DLC1: variants seen among roughly 807,000 people sequenced by gnomAD.
DLC1 encodes DLC1 Rho GTPase activating protein, also known as rho GTPase-activating protein 7.
DLC1 carries 54 observed loss-of-function variants against 140.3 expected under a neutral mutation model. The observed-to-expected ratio is 0.38, with a 90% CI of 0.31 to 0.48. DLC1 has a LOEUF of 0.48. DLC1 is among the 20% of genes least tolerant of loss of function. The pLI is 0.96. For missense variants in DLC1, 2,536 were observed against 1,907.0 expected, an observed-to-expected ratio of 1.33 and a Z score of -6.14; for synonymous variants, 986 against 728.1, an observed-to-expected ratio of 1.35 and a Z score of -5.70.
intron 1 of DLC1, among the ~76,000 whole-genome samples, chr8:13,582,306 G>A (rs1247466995): frequency 7.9e-5 from 12 of 152,152 alleles, no homozygotes; most frequent in South Asian, 2.1e-4. Context: ...ATAGGTACAT[G>A]TGATGGTTAA....
chr8:13,175,070 C>T (rs1326849336), intron 5 of DLC1, among the ~76,000 whole-genome samples: 1 of 152,162 alleles, frequency 6.6e-6, no homozygotes, highest in Non-Finnish European at 1.5e-5. Context: ...GTCCATTCTT[C>T]TGCATACGGC....
intron 5 of DLC1, among the ~76,000 whole-genome samples, chr8:13,129,516 T>G (rs1821902260): frequency 6.6e-6 from 1 of 152,170 alleles, no homozygotes; most frequent in African/African-American, 2.4e-5. Context: ...ACTAAGAATT[T>G]CAGGAGCAGA....
chr8:13,233,885 TTTTA>T (rs1293541251), intron 5 of DLC1, among the ~76,000 whole-genome samples: 1 of 152,202 alleles, frequency 6.6e-6, no homozygotes, highest in Non-Finnish European at 1.5e-5. Context: ...GGGAGATGGA[TTTTA>T]TTTGTTTATC....
intron 2 of DLC1, among the ~76,000 whole-genome samples, chr8:13,439,943 G>A (rs1034583920): frequency 1.3e-5 from 2 of 151,988 alleles, no homozygotes; most frequent in Non-Finnish European, 2.9e-5. Context: ...TATCCTTAGA[G>A]CATCTTCCCA....
intron 4 of DLC1, among the ~76,000 whole-genome samples, chr8:13,308,171 GA>G (rs1383087252): frequency 6.6e-6 from 1 of 152,200 alleles, no homozygotes; most frequent in East Asian, 1.9e-4. Context: ...GATAATCAGT[GA>G]GTTGGGGTAT....
At chr8:13,453,913 A>T (rs571059552) in intron 2 of DLC1, among the ~76,000 whole-genome samples, 1 of 152,130 alleles carries the variant, frequency 6.6e-6, no homozygotes, top group Non-Finnish European at 1.5e-5. Flanking sequence ...TGCCTTCTTC[A>T]TGTCCACTCA....
In DLC1 at chr8:13,094,753, A is replaced by T; in HGVS notation, c.3526+6T>A. ...GCCAACAATCTTAAGATCAAAGGAC[A>T]CTCACATTGGTAGATCTGTAGAAAG... On this transcript the variant is annotated splice_donor_region_variant and intron_variant, in intron 12 of 17. Transcript: ENST00000276297. The T allele has an allele frequency of 9.3e-6, 15 of 1,614,114 alleles. No homozygotes were observed. The highest frequency in any genetic ancestry group is 1.2e-5 in the Non-Finnish European group (14 of 1,180,022).
At chr8:13,243,631 C>G (rs1314749613) in intron 5 of DLC1, among the ~76,000 whole-genome samples, 1 of 152,060 alleles carries the variant, frequency 6.6e-6, no homozygotes, top group Non-Finnish European at 1.5e-5. Context: ...TTTTCTAGAT[C>G]TTTGTTTCTC....
At chr8:13,231,114 T>C (rs576535049) in intron 5 of DLC1, among the ~76,000 whole-genome samples, 3 of 152,156 alleles carry the variant, frequency 2.0e-5, no homozygotes, top group Non-Finnish European at 2.9e-5. Flanking sequence ...GCCTGGTCTG[T>C]TGCAGGAGTT....
intron 2 of DLC1, among the ~76,000 whole-genome samples, chr8:13,430,843 A>G (rs1464872180): frequency 2.6e-5 from 4 of 152,266 alleles, no homozygotes; most frequent in Non-Finnish European, 5.9e-5. Flanking sequence ...TAAATTTCCA[A>G]TAATAGATTA....
chr8:13,248,097 G>A (rs373425015), intron 5 of DLC1, among the ~76,000 whole-genome samples: 6 of 152,210 alleles, frequency 3.9e-5, no homozygotes, highest in African/African-American at 1.2e-4. Context: ...TCCTCAGTGT[G>A]CTTTTGCACA....
intron 1 of DLC1, among the ~76,000 whole-genome samples, chr8:13,592,341 T>C (rs1258171674): frequency 6.6e-6 from 1 of 152,098 alleles, no homozygotes; most frequent in Non-Finnish European, 1.5e-5. Flanking sequence ...TATTTAAATT[T>C]GTATTTTGTT....
chr8:13,461,647 T>C (rs1012424263), intron 2 of DLC1, among the ~76,000 whole-genome samples: 21 of 152,210 alleles, frequency 1.4e-4, no homozygotes, highest in African/African-American at 4.6e-4. Flanking sequence ...TTATTATTAG[T>C]TTCAAATTAT....
At chr8:13,145,182 C>T (rs1823325190) in intron 5 of DLC1, among the ~76,000 whole-genome samples, 1 of 151,928 alleles carries the variant, frequency 6.6e-6, no homozygotes, top group Non-Finnish European at 1.5e-5. Context: ...ATAGCAGAGC[C>T]AGTATCTGAT....
intron 1 of DLC1, chr8:13,568,082 C>A: frequency 9.6e-7 from 1 of 1,041,464 alleles, no homozygotes; most frequent in Non-Finnish European, 1.4e-6. Context: ...TTTTTTTTTC[C>A]TATTATAGAA....
chr8:13,129,122 T>C (rs1821863970), intron 5 of DLC1, among the ~76,000 whole-genome samples: 1 of 152,208 alleles, frequency 6.6e-6, no homozygotes, highest in Non-Finnish European at 1.5e-5. Context: ...ACTGGATCTC[T>C]AACTAATTTG....
chr8:13,210,246 G>C (rs1827874177), intron 5 of DLC1, among the ~76,000 whole-genome samples: 1 of 152,090 alleles, frequency 6.6e-6, no homozygotes, highest in Admixed American at 6.6e-5. Flanking sequence ...CTGTTCTTTT[G>C]TGCTTAGCAA....
intron 5 of DLC1, among the ~76,000 whole-genome samples, chr8:13,263,236 T>G (rs1830538104): frequency 6.6e-6 from 1 of 152,196 alleles, no homozygotes; most frequent in Non-Finnish European, 1.5e-5. Flanking sequence ...TGTTAGGTAT[T>G]ATTATCAGTG....
chr8:13,204,111 G>A (rs930135932), intron 5 of DLC1, among the ~76,000 whole-genome samples: 1 of 152,032 alleles, frequency 6.6e-6, no homozygotes, highest in African/African-American at 2.4e-5. Context: ...TGCTCAGGGG[G>A]AAAAAAGACT....
Sources: allele counts gnomAD v4.1 joint callset (sites outside exome capture counted in the v4.1 genomes callset), GRCh38; gene constraint gnomAD v4.1.1; transcripts MANE v1.5; gene names NCBI Gene and HGNC (gene_info 2026-07-23, HGNC 2026-07-21).